Variants in IL1RAPL1 observed in about 807,000 individuals in gnomAD.
IL1RAPL1 encodes the protein interleukin 1 receptor accessory protein like 1.
A neutral mutation model predicts 48.4 loss-of-function variants in IL1RAPL1; 3 were observed. The observed-to-expected ratio is 0.06, with a 90% CI of 0.03 to 0.16. IL1RAPL1 has a LOEUF of 0.16. IL1RAPL1 is among the 10% of genes least tolerant of loss of function. IL1RAPL1 has a pLI of 1.00. For synonymous variants in IL1RAPL1, 185 were observed against 187.7 expected, an observed-to-expected ratio of 0.99 and a Z score of 0.12; for missense variants, 349 against 530.6, an observed-to-expected ratio of 0.66 and a Z score of 3.36.
intron 2 of IL1RAPL1, among the ~76,000 whole-genome samples, chrX:28,901,235 A>G (rs1923067849): frequency 8.9e-6 from 1 of 111,946 alleles, no homozygotes; most frequent in Admixed American, 9.5e-5. Context: ...ATTTTATACT[A>G]TATAATTACA....
intron 2 of IL1RAPL1, among the ~76,000 whole-genome samples, chrX:28,871,457 A>G (rs1248013927): frequency 1.8e-5 from 2 of 112,082 alleles, no homozygotes; most frequent in African/African-American, 6.5e-5. Flanking sequence ...TTAGGAAAGC[A>G]CACACTTGGC....
At chrX:29,567,514 A>G (rs943645274) in intron 5 of IL1RAPL1, among the ~76,000 whole-genome samples, 22 of 112,036 alleles carry the variant, frequency 2.0e-4, no homozygotes, top group Non-Finnish European at 2.3e-4. Context: ...TAAAACTTCT[A>G]TATTACAGTC....
At chrX:29,374,831 G>T (rs192247565) in intron 3 of IL1RAPL1, among the ~76,000 whole-genome samples, 4 of 110,673 alleles carry the variant, frequency 3.6e-5, no homozygotes, top group Admixed American at 2.9e-4. Flanking sequence ...CCTCTTTGGG[G>T]TCAATAAAAA....
At chrX:28,616,820 A>C (rs1419400540) in intron 1 of IL1RAPL1, among the ~76,000 whole-genome samples, 3 of 112,534 alleles carry the variant, frequency 2.7e-5, no homozygotes, top group Non-Finnish European at 5.6e-5. Flanking sequence ...CTTTAATTGG[A>C]ATGAATTTCA....
At chrX:29,115,995 C>G (rs1275159990) in intron 2 of IL1RAPL1, among the ~76,000 whole-genome samples, 2 of 111,062 alleles carry the variant, frequency 1.8e-5, no homozygotes, top group Non-Finnish European at 3.8e-5. Context: ...TTTAGTTTTT[C>G]TTTCCAGATA....
chrX:28,628,810 A>G (rs1934369258), intron 1 of IL1RAPL1, among the ~76,000 whole-genome samples: 1 of 112,321 alleles, frequency 8.9e-6, no homozygotes, highest in East Asian at 2.8e-4. Flanking sequence ...CTCTGAATTC[A>G]TAGCTATGCA....
chrX:29,880,475 A>G (rs1272618622), intron 6 of IL1RAPL1, among the ~76,000 whole-genome samples: 1 of 111,968 alleles, frequency 8.9e-6, no homozygotes, highest in African/African-American at 3.2e-5. Context: ...TGTGCAAGTC[A>G]AAGTAAAAAC....
chrX:29,054,994 T>G (rs1927179981), intron 2 of IL1RAPL1, among the ~76,000 whole-genome samples: 1 of 111,870 alleles, frequency 8.9e-6, no homozygotes, highest in African/African-American at 3.2e-5. Context: ...GTCAAATACA[T>G]GTGCAGACCA....
At chrX:29,842,248 G>A (rs1931150651) in intron 6 of IL1RAPL1, among the ~76,000 whole-genome samples, 1 of 112,104 alleles carries the variant, frequency 8.9e-6, no homozygotes, top group Non-Finnish European at 1.9e-5. Context: ...AAAGAACTGG[G>A]CCTCCATTTT....
chrX:28,837,338 A>G (rs1230898090), intron 2 of IL1RAPL1, among the ~76,000 whole-genome samples: 3 of 110,294 alleles, frequency 2.7e-5, no homozygotes, highest in Non-Finnish European at 3.8e-5. Context: ...ACTGGCTGAC[A>G]CTCCTCATTT....
intron 2 of IL1RAPL1, among the ~76,000 whole-genome samples, chrX:28,912,550 A>G (rs1051498470): frequency 3.6e-5 from 4 of 111,122 alleles, no homozygotes; most frequent in African/African-American, 1.3e-4. Context: ...ATGTCTGTAT[A>G]TATAACTATA....
chrX:28,815,856 T>C (rs1374898713), intron 2 of IL1RAPL1, among the ~76,000 whole-genome samples: 1 of 67,800 alleles, frequency 1.5e-5, no homozygotes, highest in African/African-American at 4.8e-5. Context: ...TATATATATA[T>C]ATATATATAT....
At chrX:29,915,872 T>TATATC (rs1437184699) in intron 6 of IL1RAPL1, among the ~76,000 whole-genome samples, 2 of 80,533 alleles carry the variant, frequency 2.5e-5, no homozygotes, top group Admixed American at 1.5e-4. Context: ...TAGCATTAGG[T>TATATC]ATATCTCCCA....
At chrX:29,708,328 G>A (rs1049102283) in intron 6 of IL1RAPL1, among the ~76,000 whole-genome samples, 4 of 111,424 alleles carry the variant, frequency 3.6e-5, no homozygotes, top group Non-Finnish European at 7.5e-5. Flanking sequence ...TGTGGTCACC[G>A]TAGAGTGCAA....
At chrX:29,452,597 G>A (rs1171443286) in intron 5 of IL1RAPL1, among the ~76,000 whole-genome samples, 2 of 111,441 alleles carry the variant, frequency 1.8e-5, no homozygotes, top group Non-Finnish European at 3.8e-5. Context: ...AGATGCTTTA[G>A]GGTAGAGACC....
intron 5 of IL1RAPL1, among the ~76,000 whole-genome samples, chrX:29,574,825 T>A (rs1241587384): frequency 9.0e-6 from 1 of 111,663 alleles, no homozygotes; most frequent in Non-Finnish European, 1.9e-5. Flanking sequence ...TGCTTAGAAA[T>A]TTCTTCCACC....
intron 2 of IL1RAPL1, among the ~76,000 whole-genome samples, chrX:28,901,784 C>T (rs1250651815): frequency 8.9e-6 from 1 of 111,962 alleles, no homozygotes; most frequent in Admixed American, 9.5e-5. Context: ...ATAGCGATTT[C>T]CATCCTCACT....
intron 2 of IL1RAPL1, among the ~76,000 whole-genome samples, chrX:29,188,001 A>C (rs1222645303): frequency 8.9e-6 from 1 of 112,107 alleles, no homozygotes; most frequent in Non-Finnish European, 1.9e-5. Flanking sequence ...AACCAATTAC[A>C]TGCAGTTCCC....
intron 6 of IL1RAPL1, among the ~76,000 whole-genome samples, chrX:29,802,767 A>ACATG (rs1929952258): frequency 7.4e-5 from 2 of 27,057 alleles, no homozygotes; most frequent in Non-Finnish European, 1.2e-4. Flanking sequence ...ATATATATAT[A>ACATG]TATATATATA....
Sources: gnomAD v4.1 joint callset for allele counts (sites outside exome capture counted in the v4.1 genomes callset) on GRCh38, gnomAD v4.1.1 for gene constraint, MANE v1.5 for transcripts, NCBI Gene and HGNC (gene_info 2026-07-23, HGNC 2026-07-21) for gene names.